The following ITGA8 variants were observed in gnomAD, a reference collection of about 807,000 sequenced individuals.
ITGA8 encodes the protein integrin subunit alpha 8.
Under a neutral mutation model 142.3 loss-of-function variants are expected in ITGA8, and 91 were observed. The observed-to-expected ratio is 0.64, with a 90% CI of 0.54 to 0.76. ITGA8 has a LOEUF of 0.76. ITGA8 is among the 30% of genes least tolerant of loss of function. The probability of loss-of-function intolerance (pLI) is 0.00; values close to 1 mark genes in which losing one functional copy is unlikely to be tolerated. For synonymous variants in ITGA8, 505 were observed against 485.2 expected (o/e 1.04, Z -0.54); for missense variants, 1,406 against 1,327.7 (o/e 1.06, Z -0.92).
intron 11 of ITGA8, among the ~76,000 whole-genome samples, chr10:15,654,115 C>T (rs775240603): frequency 1.3e-5 from 2 of 152,170 alleles, no homozygotes; most frequent in Non-Finnish European, 2.9e-5. Context: ...GGATTACAGG[C>T]GTGAGCTACC....
Position 15,688,050 on chromosome 10 carries a change from G to A in ITGA8, c.344-12C>T. On this transcript the variant is annotated splice_polypyrimidine_tract_variant and intron_variant, in intron 2 of 29. Transcript: ENST00000378076. ...GATCTTTCTGTTGTCTGTCAAAGAAGATAGGAAGAGTTAATAATTTGTAAA... is the reference window on the plus strand; with the variant it reads ...GATCTTTCTGTTGTCTGTCAAAGAAAATAGGAAGAGTTAATAATTTGTAAA... The A allele has an allele frequency of 6.5e-7, 1 of 1,546,496 alleles. No homozygotes were observed.
intron 2 of ITGA8, among the ~76,000 whole-genome samples, chr10:15,694,486 C>G (rs1444280576): frequency 2.1e-4 from 27 of 129,742 alleles, no homozygotes; most frequent in Admixed American, 2.1e-3. Flanking sequence ...TAAAATATAT[C>G]TATAATATAT....
chr10:15,582,075 C>T (rs934939155), intron 23 of ITGA8, among the ~76,000 whole-genome samples: 8 of 152,068 alleles, frequency 5.3e-5, no homozygotes, highest in African/African-American at 1.9e-4. Flanking sequence ...CTCATCTCCA[C>T]AAAACGTTTA....
intron 27 of ITGA8, among the ~76,000 whole-genome samples, chr10:15,535,477 T>C (rs1184064926): frequency 2.0e-5 from 3 of 152,160 alleles, no homozygotes; most frequent in Non-Finnish European, 4.4e-5. Flanking sequence ...TGTATGTAGC[T>C]CAAGGTTTGT....
At chr10:15,691,687 C>T (rs1408287926) in intron 2 of ITGA8, among the ~76,000 whole-genome samples, 1 of 151,990 alleles carries the variant, frequency 6.6e-6, no homozygotes, top group Admixed American at 6.6e-5. Context: ...ATGGTAGTTA[C>T]CAGAGGCTGG....
At chr10:15,704,081 G>A (rs1291310470) in intron 2 of ITGA8, among the ~76,000 whole-genome samples, 2 of 152,254 alleles carry the variant, frequency 1.3e-5, no homozygotes, top group South Asian at 2.1e-4. Context: ...CATCCTTGAC[G>A]ATCACCAATC....
intron 4 of ITGA8, among the ~76,000 whole-genome samples, chr10:15,679,705 A>G (rs760183199): frequency 6.6e-6 from 1 of 152,252 alleles, no homozygotes; most frequent in African/African-American, 2.4e-5. Context: ...AGAAAATTCT[A>G]GTAGTGGCTT....
intron 2 of ITGA8, among the ~76,000 whole-genome samples, chr10:15,696,525 A>G (rs1835055115): frequency 6.6e-6 from 1 of 152,214 alleles, no homozygotes. Context: ...TGAGCCTCAA[A>G]TTAAAGCAGT....
chr10:15,653,553 C>A (rs1588700512), intron 11 of ITGA8, among the ~76,000 whole-genome samples: 1 of 152,178 alleles, frequency 6.6e-6, no homozygotes, highest in African/African-American at 2.4e-5. Context: ...TGGTATCAAA[C>A]CTTCTATGGG....
intron 22 of ITGA8, among the ~76,000 whole-genome samples, chr10:15,589,312 C>T (rs1832883342): frequency 6.6e-6 from 1 of 152,180 alleles, no homozygotes; most frequent in Non-Finnish European, 1.5e-5. Context: ...CAGTATTCAT[C>T]TCACCATTAC....
Position 15,644,192 on chromosome 10 carries a change from T to G in ITGA8, c.1237A>C (p.Lys413Gln). 1.2e-6 allele frequency: 2 copies of G among 1,613,986 alleles called. No homozygotes were observed. Among genetic ancestry groups the G allele is most frequent in the Non-Finnish European group, 1.7e-6 (2 of 1,179,962 alleles). Residue 413 changes from lysine (K) to glutamine (Q), a missense_variant, in exon 13 of 30, where the codon AAG becomes CAG. By Grantham distance (53) the Lys-to-Gln change is moderately conservative. Coordinates refer to ENST00000378076, the MANE Select transcript of ITGA8 (RefSeq NM_003638.3). ...DIAIGVPFAG[K>Q]DQRGKVLIYN... ...ATGAGCACTTTGCCTCTTTGATCCT[T>G]GCCTGCAAAAGGCACTCCGATGGCA...
At chr10:15,575,674 A>G (rs1340738277) in intron 23 of ITGA8, 80 bp from the exon 24 acceptor site, 2 of 1,090,760 alleles carry the variant, frequency 1.8e-6, no homozygotes, top group Non-Finnish European at 2.8e-6. Flanking sequence ...ATACTAACAG[A>G]AGCAGAAGAA....
At chr10:15,689,460 T>TGAGCAGGA (rs1335827041) in intron 2 of ITGA8, among the ~76,000 whole-genome samples, 1 of 152,142 alleles carries the variant, frequency 6.6e-6, no homozygotes, top group African/African-American at 2.4e-5. Context: ...AAGGAAAAGA[T>TGAGCAGGA]GAGCAGGAGG....
In ITGA8 at chr10:15,605,727, C is replaced by G; in HGVS notation, c.1967G>C (p.Arg656Thr). 2 of 1,612,360 alleles carry G rather than the reference C, an allele frequency of 1.2e-6. No individual in the cohort carries two copies. The highest frequency in any genetic ancestry group is 1.7e-6 in the Non-Finnish European group (2 of 1,178,486). The part of the protein sequence containing the change: ...LCVPDLKLSA[R>T]PDKHQVIIGD... ...ACATTTAGTTATTTAAACTTACGGT[C>G]TAGCCGACAGCTTCAAGTCAGGAAC... Residue 656 changes from arginine to threonine, a missense_variant, in exon 19 of 30, where the codon AGA (arginine) becomes ACA (threonine). Coordinates refer to ENST00000378076, the MANE Select transcript of ITGA8 (RefSeq NM_003638.3).
At chr10:15,544,235 C>A (rs1222852556) in intron 27 of ITGA8, among the ~76,000 whole-genome samples, 1 of 152,096 alleles carries the variant, frequency 6.6e-6, no homozygotes, top group African/African-American at 2.4e-5. Flanking sequence ...GAGTTCAAGG[C>A]TGCAGTGAGT....
Position 15,655,362 on chromosome 10 carries a change from GT to G in ITGA8, c.992del (p.Asn331ThrfsTer27). On this transcript the variant is annotated frameshift_variant, in exon 11 of 30. Coordinates refer to ENST00000378076, the MANE Select transcript of ITGA8 (RefSeq NM_003638.3). LOFTEE classifies it high-confidence loss of function. ...FGYTVVVSDVNSDGLDDVLVG... is the reference protein window; with the variant it reads ...FGYTVVVSDVXSDGLDDVLVG... ...GAGGTCTATAAACTTACCCATCACT[GT>G]TAACATCTGATACGACAACGGTATA... 6.3e-7 allele frequency: 1 copy of G among 1,598,458 alleles called. No homozygotes were observed. The highest frequency in any genetic ancestry group is 8.6e-7 in the Non-Finnish European group (1 of 1,166,044).
chr10:15,665,342 C>T (rs534642081), intron 8 of ITGA8, among the ~76,000 whole-genome samples: 24 of 152,200 alleles, frequency 1.6e-4, no homozygotes, highest in South Asian at 6.2e-4. Context: ...TCATATCCTT[C>T]GCCCACTTTT....
chr10:15,640,378 G>A (rs1386156944), intron 13 of ITGA8, among the ~76,000 whole-genome samples: 6 of 152,120 alleles, frequency 3.9e-5, no homozygotes, highest in Non-Finnish European at 7.3e-5. Flanking sequence ...TGATGTTATC[G>A]CTCTCAGGTG....
At chr10:15,682,751 T>A (rs1264621975) in intron 4 of ITGA8, among the ~76,000 whole-genome samples, 1 of 151,226 alleles carries the variant, frequency 6.6e-6, no homozygotes, top group Non-Finnish European at 1.5e-5. Context: ...CTTGGCAGGC[T>A]GAGGTGGGAG....
Sources: allele counts gnomAD v4.1 joint callset (sites outside exome capture counted in the v4.1 genomes callset), GRCh38; gene constraint gnomAD v4.1.1; transcripts MANE v1.5; gene names NCBI Gene and HGNC (gene_info 2026-07-23, HGNC 2026-07-21).